DNAI1: variants seen among roughly 807,000 people sequenced by gnomAD.
The protein encoded by DNAI1 is dynein, axonemal, intermediate polypeptide 1.
A neutral mutation model predicts 92.0 loss-of-function variants in DNAI1; 67 were observed. The ratio of observed to expected loss-of-function variants is 0.73; its 90% CI spans 0.60 to 0.89. The LOEUF (loss-of-function observed/expected upper bound fraction) is 0.89, where lower values mean the gene tolerates loss of function less well. Ranked by LOEUF, DNAI1 falls within the 40% of genes least tolerant of loss-of-function variation. The pLI is 0.00. For missense variants in DNAI1, 839 were observed against 866.6 expected (o/e 0.97, Z 0.40); for synonymous variants, 323 against 319.6 (o/e 1.01, Z -0.11).
At chr9:34,479,953 A>G (rs1824318304) in intron 1 of DNAI1, among the ~76,000 whole-genome samples, 1 of 152,156 alleles carries the variant, frequency 6.6e-6, no homozygotes, top group Admixed American at 6.5e-5. Context: ...ATAAGTGCCC[A>G]TCTAGTCTAA....
In DNAI1 at chr9:34,514,722, G is replaced by A; in HGVS notation, c.1801G>A (p.Val601Ile). ...APYSSTVFAA[V>I]TTDGKAHIFD... is the part of the protein sequence containing the mutation. The stretch of plus-strand genomic sequence containing the variant: ...ATACTCTTCTACTGTGTTCGCAGCA[G>A]TCACCACAGATGGGAAGGTGAGTGC... Residue 601 changes from valine to isoleucine, a missense_variant, in exon 18 of 20, where the codon GTC becomes ATC. Coordinates refer to ENST00000242317, the MANE Select transcript of DNAI1 (RefSeq NM_012144.4). 6.2e-7 allele frequency: 1 copy of A among 1,614,058 alleles called. No homozygotes were observed. The highest frequency in any genetic ancestry group is 8.5e-7 in the Non-Finnish European group (1 of 1,180,026).
chr9:34,493,267 C>A lies in DNAI1; in HGVS notation c.755C>A (p.Thr252Asn), dbSNP rs927359374. The change falls in exon 9 of 20, where the codon ACC (threonine) becomes AAC (asparagine). Residue 252 changes from threonine to asparagine, a missense_variant. By Grantham distance (65) the Thr-to-Asn change is moderately conservative. Coordinates refer to ENST00000242317, the MANE Select transcript of DNAI1 (RefSeq NM_012144.4). ...ACCAAAGAGAAGGAGAAGGCAAAGA[C>A]CCCAGTGGCTAAAAAATCAGGGAAG... Reference protein sequence around the residue: ...EKTKEKEKAKTPVAKKSGKMA... With the variant: ...EKTKEKEKAKNPVAKKSGKMA... 4 of 1,614,046 alleles carry A rather than the reference C, an allele frequency of 2.5e-6. No homozygotes were observed. Among genetic ancestry groups the A allele is most frequent in the Non-Finnish European group, 3.4e-6 (4 of 1,180,038 alleles).
intron 1 of DNAI1, among the ~76,000 whole-genome samples, chr9:34,482,786 C>T (rs750311216): frequency 8.5e-5 from 13 of 152,370 alleles, no homozygotes; most frequent in Middle Eastern, 3.4e-3. Context: ...CTTGGGTGGT[C>T]GATGGGACTG....
chr9:34,490,120 C>T lies in DNAI1; in HGVS notation c.497C>T (p.Ala166Val). The T allele has an allele frequency of 6.2e-7, 1 of 1,613,954 alleles. No homozygotes were observed. The highest frequency in any genetic ancestry group is 8.5e-7 in the Non-Finnish European group (1 of 1,179,962). Residue 166 changes from alanine to valine, a missense_variant, in exon 6 of 20, where the codon GCT becomes GTT. Ala to Val is a moderately conservative substitution (Grantham distance 64, BLOSUM62 0). Transcript: ENST00000242317. The stretch of plus-strand genomic sequence containing the variant: ...GGGAGTCAAACAGATGTGCCTGCAG[C>T]TGGGGTACAGTATAATATCGCTCTG... Reference protein sequence around the residue: ...EPGSQTDVPAAGAAEKVTEEE... With the variant: ...EPGSQTDVPAVGAAEKVTEEE...
At chr9:34,492,518 A>C (rs1194150040) in intron 8 of DNAI1, among the ~76,000 whole-genome samples, 8 of 117,354 alleles carry the variant, frequency 6.8e-5, no homozygotes, top group African/African-American at 1.8e-4. Flanking sequence ...ATATATATAT[A>C]TATATATATA....
chr9:34,465,242 G>A (rs753040326), intron 1 of DNAI1, among the ~76,000 whole-genome samples: 15 of 152,170 alleles, frequency 9.9e-5, no homozygotes, highest in Non-Finnish European at 1.6e-4. Flanking sequence ...ATGCTGAGGG[G>A]AAGGATCCTG....
chr9:34,478,443 C>G (rs1214498873), intron 1 of DNAI1, among the ~76,000 whole-genome samples: 1 of 152,114 alleles, frequency 6.6e-6, no homozygotes, highest in Non-Finnish European at 1.5e-5. Flanking sequence ...ATGTCAAGTC[C>G]TATAAGAGAA....
At chr9:34,487,711 C>G (rs1428681400) in intron 4 of DNAI1, among the ~76,000 whole-genome samples, 2 of 152,076 alleles carry the variant, frequency 1.3e-5, no homozygotes, top group Admixed American at 1.3e-4. Context: ...ATTGCCTTGT[C>G]AATTTCAACG....
chr9:34,507,270 C>T (rs1824954871), intron 13 of DNAI1, among the ~76,000 whole-genome samples: 1 of 152,168 alleles, frequency 6.6e-6, no homozygotes, highest in South Asian at 2.1e-4. Flanking sequence ...CTGTGTATAA[C>T]TTTGGGGTCC....
At chr9:34,514,073 G>A (rs1021813088) in intron 16 of DNAI1, among the ~76,000 whole-genome samples, 17 of 152,334 alleles carry the variant, frequency 1.1e-4, no homozygotes, top group African/African-American at 3.4e-4. Flanking sequence ...CTCAGGGCCT[G>A]AGACCTGCTC....
At chr9:34,513,793 T>C (rs1825118697) in intron 16 of DNAI1, among the ~76,000 whole-genome samples, 1 of 151,904 alleles carries the variant, frequency 6.6e-6, no homozygotes, top group African/African-American at 2.4e-5. Flanking sequence ...TCTTCACCCC[T>C]CCCACTGGCA....
intron 5 of DNAI1, among the ~76,000 whole-genome samples, 183 bp from the exon 6 acceptor site, chr9:34,489,829 C>A (rs528258897): frequency 4.1e-4 from 63 of 151,906 alleles, no homozygotes; most frequent in African/African-American, 1.3e-3. Flanking sequence ...TCCAGCCTGG[C>A]GACACAGTGA....
chr9:34,499,018 C>G (rs1305846672), intron 10 of DNAI1, among the ~76,000 whole-genome samples: 2 of 152,192 alleles, frequency 1.3e-5, no homozygotes, highest in Non-Finnish European at 2.9e-5. Flanking sequence ...CTTGGTGAAC[C>G]ACTTTCATTT....
intron 1 of DNAI1, among the ~76,000 whole-genome samples, chr9:34,467,511 T>C (rs1824060850): frequency 6.6e-6 from 1 of 151,550 alleles, no homozygotes; most frequent in African/African-American, 2.4e-5. Context: ...CATGCACCTG[T>C]AGTCCCAGCT....
rs578047249 is a variant in DNAI1, at chr9:34,520,887, G to C, written c.*131G>C. The C allele has an allele frequency of 1.1e-5, 10 of 902,618 alleles. No homozygotes were observed. The South Asian group carries it at 1.3e-4, about 12-fold the overall frequency. The allele number at this position is 902,618 out of a possible 1,614,324, so 55.9% of individuals were successfully genotyped here. Reference sequence around the variant, plus strand: ...TCAGGTCCCAGCATCTTCCCTTCTTGTTCTGTTCCTTAAGGTCCCAGCACC... The same window carrying C: ...TCAGGTCCCAGCATCTTCCCTTCTTCTTCTGTTCCTTAAGGTCCCAGCACC... On this transcript the variant is annotated 3_prime_UTR_variant, in exon 20 of 20. Transcript: ENST00000242317.
chr9:34,512,276 C>T, intron 14 of DNAI1, 61 bp from the exon 15 acceptor site: 1 of 1,610,172 alleles, frequency 6.2e-7, no homozygotes, highest in Non-Finnish European at 8.5e-7. Flanking sequence ...AACCCCCAGC[C>T]TTGCTCATCT....
chr9:34,469,428 G>A (rs1196776742), intron 1 of DNAI1, among the ~76,000 whole-genome samples: 1 of 144,820 alleles, frequency 6.9e-6, no homozygotes, highest in Non-Finnish European at 1.5e-5. Flanking sequence ...ACTAAGCCCA[G>A]CTAATTTTTT....
Position 34,506,655 on chromosome 9 carries a change from G to A in DNAI1, c.1092G>A (p.Met364Ile). The A allele has an allele frequency of 6.2e-7, 1 of 1,614,196 alleles. No individual in the cohort carries two copies. Among genetic ancestry groups the A allele is most frequent in the Non-Finnish European group, 8.5e-7 (1 of 1,180,046 alleles). ...SYDFMKQSRG[M>I]LLLYSLKNPS... ...ACTTCATGAAGCAGAGCCGGGGCAT[G>A]CTGCTGCTCTACAGCCTGAAGAACC... The change falls in exon 13 of 20, where the codon ATG becomes ATA. Residue 364 changes from methionine (M) to isoleucine (I), a missense_variant. Met to Ile is a conservative substitution (Grantham distance 10). Transcript: ENST00000242317.
At chr9:34,504,360 A>T (rs1824885418) in intron 12 of DNAI1, among the ~76,000 whole-genome samples, 2 of 152,230 alleles carry the variant, frequency 1.3e-5, no homozygotes, top group African/African-American at 4.8e-5. Context: ...CATTTACTGG[A>T]AATGGAAATT....
Sources: allele counts gnomAD v4.1 joint callset (sites outside exome capture counted in the v4.1 genomes callset), GRCh38; gene constraint gnomAD v4.1.1; transcripts MANE v1.5; gene names NCBI Gene and HGNC (gene_info 2026-07-23, HGNC 2026-07-21).